RSF1: variants seen among roughly 807,000 people sequenced by gnomAD.
RSF1 encodes remodeling and spacing factor 1, also known as HBV pX-associated protein 8.
Under a neutral mutation model 145.2 loss-of-function variants are expected in RSF1, and 13 were observed. That is an observed-to-expected ratio of 0.09 (90% CI 0.06 to 0.14). The LOEUF (loss-of-function observed/expected upper bound fraction) is 0.14. Ranked by LOEUF, RSF1 falls within the 10% of genes least tolerant of loss-of-function variation. The pLI is 1.00. For synonymous variants in RSF1, 577 were observed against 592.6 expected (o/e 0.97, Z 0.38); for missense variants, 1,517 against 1,718.2 (o/e 0.88, Z 2.07).
the RSF1 span, among the ~76,000 whole-genome samples, chr11:77,836,060 C>G: frequency 6.6e-6 from 1 of 152,190 alleles, no homozygotes; most frequent in African/African-American, 2.4e-5. Context: ...TTCTTAACCA[C>G]TCTCCAATCT....
the RSF1 span, among the ~76,000 whole-genome samples, chr11:77,830,831 T>G: frequency 3.4e-4 from 51 of 151,898 alleles, 1 homozygote; most frequent in East Asian, 9.1e-3. Context: ...AAATAAATAA[T>G]GAAAACCACA....
chr11:77,771,311 T>A (rs1011253905), intron 1 of RSF1, among the ~76,000 whole-genome samples: 1 of 152,180 alleles, frequency 6.6e-6, no homozygotes, highest in African/African-American at 2.4e-5. Context: ...GACACACGGT[T>A]AAAACCATCA....
In RSF1 at chr11:77,717,758, A is replaced by G. The variant is rs371182174; in HGVS notation, c.733+7787T>C. 267 of 152,362 alleles carry G rather than the reference A, an allele frequency of 1.8e-3. 4 individuals carry two copies. The highest frequency in any genetic ancestry group is 5.8e-3 in the African/African-American group (240 of 41,588). The allele number at this position is 152,362 out of a possible 1,614,324, so 9.4% of individuals were successfully genotyped here. On this transcript the variant is annotated intron_variant, in intron 5 of 15. Transcript: ENST00000308488. Reference sequence around the variant, plus strand: ...CAAAAAAGTCCCTAGATAACGATACAGGGAAGTAAGTTCTTTTATCTCCAG... The same window carrying G: ...CAAAAAAGTCCCTAGATAACGATACGGGGAAGTAAGTTCTTTTATCTCCAG...
intron 11 of RSF1, among the ~76,000 whole-genome samples, 184 bp downstream of exon 11, chr11:77,683,526 G>A (rs184335563): frequency 6.7e-5 from 10 of 150,320 alleles, no homozygotes; most frequent in African/African-American, 2.0e-4. Flanking sequence ...CAACAAGAGC[G>A]AGACTCAGTC....
intron 15 of RSF1, 115 bp downstream of exon 15, chr11:77,671,927 C>A: frequency 7.1e-6 from 7 of 980,002 alleles, no homozygotes; most frequent in Non-Finnish European, 8.8e-6. Context: ...AGCCACCATG[C>A]CTGGCCTGGT....
chr11:77,833,009 A>AT, the RSF1 span, among the ~76,000 whole-genome samples: 3,741 of 60,004 alleles, frequency 0.062, 760 homozygotes, highest in African/African-American at 0.14. Flanking sequence ...ATATATATAT[A>AT]TTTTTTTTTT....
At chr11:77,852,631 C>T in the RSF1 span, among the ~76,000 whole-genome samples, 4 of 152,176 alleles carry the variant, frequency 2.6e-5, no homozygotes, top group African/African-American at 9.7e-5. Flanking sequence ...TTATTCACCT[C>T]CCTATCTCTT....
At chr11:77,673,153 T>C (rs182102571) in intron 14 of RSF1, among the ~76,000 whole-genome samples, 3 of 152,358 alleles carry the variant, frequency 2.0e-5, no homozygotes, top group African/African-American at 7.2e-5. Context: ...TTGCAGAGGT[T>C]ATGCCCTCTA....
chr11:77,849,645 GT>G, the RSF1 span, among the ~76,000 whole-genome samples: 10 of 150,934 alleles, frequency 6.6e-5, no homozygotes, highest in East Asian at 7.8e-4. Context: ...TTTTTTGTGT[GT>G]TTTTTTTTAA....
intron 13 of RSF1, 147 bp from the exon 14 acceptor site, chr11:77,675,403 T>C: frequency 1.6e-6 from 1 of 635,128 alleles, no homozygotes; most frequent in Non-Finnish European, 2.6e-6. Context: ...GCCCTATTTA[T>C]AAAATGGGGA....
chr11:77,673,135 A>G (rs1348673387), intron 14 of RSF1, among the ~76,000 whole-genome samples: 1 of 152,226 alleles, frequency 6.6e-6, no homozygotes, highest in Non-Finnish European at 1.5e-5. Flanking sequence ...CACTATAGTC[A>G]TAATGTATTG....
rs896013343 is a variant in RSF1 at position 77,699,814 on chromosome 11, C to T, written c.2508+907G>A. ...AAAAGGATCTTCAATGCAGCATTGC[C>T]TGTAATAGTGAAAAATTGGAAACAA... On this transcript the variant is annotated intron_variant, in intron 6 of 15. Coordinates refer to ENST00000308488, the MANE Select transcript of RSF1 (RefSeq NM_016578.4). Among the ~76,000 whole-genome samples, 9 of 152,186 alleles carry T rather than the reference C, an allele frequency of 5.9e-5. No individual in the cohort carries two copies. In the South Asian group the frequency reaches 6.2e-4, roughly 11 times the overall value.
chr11:77,736,268 ATTC>A (rs1236545802), intron 4 of RSF1, among the ~76,000 whole-genome samples: 3 of 152,226 alleles, frequency 2.0e-5, no homozygotes, highest in African/African-American at 4.8e-5. Flanking sequence ...CCTTTGAGAT[ATTC>A]TTCTACAAAT....
the RSF1 span, among the ~76,000 whole-genome samples, chr11:77,845,678 C>T: frequency 1.4e-3 from 207 of 152,304 alleles, 1 homozygote; most frequent in African/African-American, 3.3e-3. Flanking sequence ...GATCCACCCA[C>T]CTCGGCCTCC....
chr11:77,676,771 G>A lies in RSF1; in HGVS notation c.3341+21C>T, dbSNP rs758371504. On this transcript the variant is annotated intron_variant, in intron 13 of 15. Transcript: ENST00000308488. ...TTCCTGCTGGTATCTAGGGATCGGG[G>A]CCTAGTAGGAGACCACACACCCATC... 7 of 1,606,164 alleles carry A rather than the reference G, an allele frequency of 4.4e-6. No homozygotes were observed. In the African/African-American group the frequency reaches 9.4e-5, roughly 22 times the overall value.
chr11:77,865,121 C>G, the RSF1 span, among the ~76,000 whole-genome samples: 1 of 152,174 alleles, frequency 6.6e-6, no homozygotes, highest in Non-Finnish European at 1.5e-5. Flanking sequence ...GACACAGTGT[C>G]TAATGTGGTT....
rs932374230 is a variant in RSF1 at position 77,662,710 on chromosome 11, C to T, written c.*4207G>A. 6.6e-6 allele frequency: 1 copy of T among 152,120 alleles called. No homozygotes were observed. Among genetic ancestry groups the T allele is most frequent in the African/African-American group, 2.4e-5 (1 of 41,428 alleles). The allele number at this position is 152,120 out of a possible 1,614,324, so 9.4% of individuals were successfully genotyped here. A position where few individuals can be genotyped will look rare whatever the true frequency, so the allele number is the denominator to read the frequency against. ...CTTCCAAGGTAGGTTTACAGGCACA[C>T]ACTTTGGGAAAGGTAGATGATATAG... On this transcript the variant is annotated 3_prime_UTR_variant, in exon 16 of 16. Transcript: ENST00000308488.
intron 4 of RSF1, among the ~76,000 whole-genome samples, chr11:77,737,454 CAAA>C (rs397963793): frequency 8.0e-6 from 1 of 124,302 alleles, no homozygotes. Flanking sequence ...GATCCTGTCT[CAAA>C]AAAAAAAAAC....
chr11:77,865,492 A>G, the RSF1 span, among the ~76,000 whole-genome samples: 2 of 152,244 alleles, frequency 1.3e-5, no homozygotes, highest in African/African-American at 4.8e-5. Flanking sequence ...TGCCAAACCT[A>G]TATATGAAAT....
Sources: gnomAD v4.1 joint callset for allele counts (sites outside exome capture counted in the v4.1 genomes callset) on GRCh38, gnomAD v4.1.1 for gene constraint, MANE v1.5 for transcripts, NCBI Gene and HGNC (gene_info 2026-07-23, HGNC 2026-07-21) for gene names.